Variants in LMO4 observed in about 807,000 individuals in gnomAD.
LMO4 encodes LIM domain transcription factor LMO4.
In LMO4, 3 loss-of-function variants were observed where a neutral mutation model predicts 18.5. The ratio of observed to expected loss-of-function variants is 0.16; its 90% CI spans 0.07 to 0.42. LMO4 has a LOEUF of 0.42. Ranked by LOEUF, LMO4 falls within the 10% of genes least tolerant of loss-of-function variation. LMO4 has a pLI of 0.99. For synonymous variants in LMO4, 100 were observed against 88.1 expected (o/e 1.14, Z -0.76); for missense variants, 121 against 219.9 (o/e 0.55, Z 2.84).
At chr1:87,342,193 A>G (rs3766024) in intron 4 of LMO4, among the ~76,000 whole-genome samples, 13,986 of 152,218 alleles carry the variant, frequency 0.092, 787 homozygotes, top group African/African-American at 0.15. Context: ...GGATGTAGAG[A>G]TGAGATGGAA....
At chr1:87,338,588 T>A (rs560452024) in intron 2 of LMO4, among the ~76,000 whole-genome samples, 4 of 152,180 alleles carry the variant, frequency 2.6e-5, no homozygotes, top group African/African-American at 9.7e-5. Flanking sequence ...TAAAATATTT[T>A]GTTGTGCTTG....
At chr1:87,337,194 TTGTAAC>T (rs1650341905) in intron 2 of LMO4, among the ~76,000 whole-genome samples, 2 of 148,382 alleles carry the variant, frequency 1.3e-5, no homozygotes, top group South Asian at 2.1e-4. Flanking sequence ...ATTTCAAACT[TTGTAAC>T]TGTAATTTTT....
At position 87,336,977 on chromosome 1, in the gene LMO4, A is replaced by AAC. The variant is rs543810100; in HGVS notation, c.237-2546_237-2545dup. Among the ~76,000 whole-genome samples, 50 of 151,876 alleles carry AAC rather than the reference A, an allele frequency of 3.3e-4. No homozygotes were observed. The Middle Eastern group carries it at 0.01, about 31-fold the overall frequency. On this transcript the variant is annotated intron_variant, in intron 2 of 4. Coordinates refer to ENST00000370544, the MANE Select transcript of LMO4 (RefSeq NM_006769.4). ...CCAGCGCACAGAAACGTTGTGAAAA[A>AAC]ACACACACACACACGCACACACAAC...
At chr1:87,336,480 T>C (rs1391420316) in intron 2 of LMO4, among the ~76,000 whole-genome samples, 1 of 152,200 alleles carries the variant, frequency 6.6e-6, no homozygotes, top group Non-Finnish European at 1.5e-5. Context: ...TAAGCATTGA[T>C]AGTAAACTAA....
At chr1:87,343,781 C>T (rs1306105868) in intron 4 of LMO4, among the ~76,000 whole-genome samples, 1 of 152,204 alleles carries the variant, frequency 6.6e-6, no homozygotes, top group East Asian at 1.9e-4. Context: ...GGGAATTAAG[C>T]CTTCACCACT....
rs368386642 is a variant in LMO4 at position 87,339,616 on chromosome 1, A to G, written c.317A>G (p.Asn106Ser). ...ASELVMRAQG[N>S]VYHLKCFTCS... is the part of the protein sequence containing the mutation. ...GAACTCGTCATGAGGGCGCAAGGCA[A>G]TGTGTATCATCTTAAGGTAGTATTT... The change falls in exon 3 of 5, where the codon AAT becomes AGT. Residue 106 changes from asparagine (N) to serine (S), a missense_variant. Coordinates refer to ENST00000370544, the MANE Select transcript of LMO4 (RefSeq NM_006769.4). 6.1e-5 allele frequency: 99 copies of G among 1,610,872 alleles called. No homozygotes were observed. Among genetic ancestry groups the G allele is most frequent in the Non-Finnish European group, 7.7e-5 (91 of 1,177,278 alleles).
At chr1:87,329,690 A>G (rs1235931101) in intron 1 of LMO4, among the ~76,000 whole-genome samples, 3 of 152,180 alleles carry the variant, frequency 2.0e-5, no homozygotes, top group Admixed American at 6.5e-5. Flanking sequence ...AGTGAGCAGG[A>G]TTCGGTATTG....
intron 4 of LMO4, among the ~76,000 whole-genome samples, chr1:87,340,646 T>A (rs994826084): frequency 2.0e-5 from 3 of 152,228 alleles, no homozygotes; most frequent in Non-Finnish European, 2.9e-5. Flanking sequence ...TCTGGACACC[T>A]GCCTTCCAAA....
At chr1:87,340,293 G>C in intron 4 of LMO4, 91 bp downstream of exon 4, 3 of 1,245,464 alleles carry the variant, frequency 2.4e-6, no homozygotes, top group Non-Finnish European at 3.4e-6. Flanking sequence ...TTGGGTGGTT[G>C]TATTTTTGCA....
chr1:87,332,316 G>C, intron 2 of LMO4, 65 bp downstream of exon 2: 1 of 1,297,010 alleles, frequency 7.7e-7, no homozygotes, highest in Middle Eastern at 1.9e-4. Flanking sequence ...AGGTTAACAG[G>C]GTTGTGAGGA....
intron 3 of LMO4, 148 bp downstream of exon 3, chr1:87,339,780 G>A (rs1218931511): frequency 1.5e-6 from 1 of 663,772 alleles, no homozygotes; most frequent in Non-Finnish European, 2.6e-6. Flanking sequence ...TGGCAGTGAT[G>A]GTTACACATC....
At chr1:87,338,271 A>G (rs1410011094) in intron 2 of LMO4, among the ~76,000 whole-genome samples, 1 of 152,228 alleles carries the variant, frequency 6.6e-6, no homozygotes, top group African/African-American at 2.4e-5. Flanking sequence ...GGGGTGTTCT[A>G]TAGGAATATG....
intron 2 of LMO4, among the ~76,000 whole-genome samples, chr1:87,334,850 C>G (rs376530427): frequency 6.6e-6 from 1 of 152,202 alleles, no homozygotes; most frequent in Non-Finnish European, 1.5e-5. Flanking sequence ...TGCAGCGAAT[C>G]CGCACAATTA....
chr1:87,339,197 A>T (rs576335853), intron 2 of LMO4, among the ~76,000 whole-genome samples: 1 of 151,936 alleles, frequency 6.6e-6, no homozygotes, highest in Non-Finnish European at 1.5e-5. Flanking sequence ...CAAGGACACA[A>T]TGCATTTAAA....
At chr1:87,339,928 C>A in intron 3 of LMO4, 119 bp from the exon 4 acceptor site, 1 of 1,173,588 alleles carries the variant, frequency 8.5e-7, no homozygotes, top group Non-Finnish European at 1.2e-6. Flanking sequence ...AGAAAAAACG[C>A]TAAACCCTAA....
At chr1:87,335,146 C>T (rs1254036113) in intron 2 of LMO4, among the ~76,000 whole-genome samples, 1 of 152,154 alleles carries the variant, frequency 6.6e-6, no homozygotes, top group Non-Finnish European at 1.5e-5. Context: ...GCCCCTTCCC[C>T]CACCCCCGGC....
At chr1:87,329,865 AC>A (rs1650082964) in intron 1 of LMO4, among the ~76,000 whole-genome samples, 1 of 152,138 alleles carries the variant, frequency 6.6e-6, no homozygotes, top group Non-Finnish European at 1.5e-5. Flanking sequence ...CCATTAAAAA[AC>A]ACCAGAGACG....
chr1:87,347,877 A>C lies in LMO4; in HGVS notation c.*3081A>C, dbSNP rs139959239. 506 of 152,312 alleles carry C rather than the reference A, an allele frequency of 3.3e-3. 2 individuals carry two copies. Among genetic ancestry groups the C allele is most frequent in the African/African-American group, 0.011 (465 of 41,556 alleles). 9.4% of individuals were successfully genotyped at this position (152,312 alleles called of 1,614,324 possible). ...CACTAGAAACTATTTTCAGCTCTTCATGATTTATTAGGAAATAGTTTAACC... is the reference window on the plus strand; with the variant it reads ...CACTAGAAACTATTTTCAGCTCTTCCTGATTTATTAGGAAATAGTTTAACC... On this transcript the variant is annotated 3_prime_UTR_variant, in exon 5 of 5. Transcript: ENST00000370544.
intron 4 of LMO4, among the ~76,000 whole-genome samples, chr1:87,340,699 A>G (rs2100566033): frequency 6.6e-6 from 1 of 152,350 alleles, no homozygotes; most frequent in East Asian, 1.9e-4. Flanking sequence ...GTAATTTTAC[A>G]AAACATTCTG....
Sources: allele counts gnomAD v4.1 joint callset (sites outside exome capture counted in the v4.1 genomes callset), GRCh38; gene constraint gnomAD v4.1.1; transcripts MANE v1.5; gene names NCBI Gene and HGNC (gene_info 2026-07-23, HGNC 2026-07-21).